The following FHIT variants were observed in gnomAD, a reference collection of about 807,000 sequenced individuals.
The protein encoded by FHIT is fragile histidine triad diadenosine triphosphatase.
In FHIT, 19 loss-of-function variants were observed where a neutral mutation model predicts 17.9. That is an observed-to-expected ratio of 1.06 (90% CI 0.74 to 1.56). The LOEUF (loss-of-function observed/expected upper bound fraction) is 1.56. FHIT is among the 40% of genes most tolerant of loss of function. The pLI is 0.00. For synonymous variants in FHIT, 81 were observed against 69.7 expected (o/e 1.16, Z -0.81); for missense variants, 248 against 189.2 (o/e 1.31, Z -1.82).
intron 5 of FHIT, among the ~76,000 whole-genome samples, chr3:60,478,613 G>C (rs2033460802): frequency 6.6e-6 from 1 of 152,150 alleles, no homozygotes; most frequent in Non-Finnish European, 1.5e-5. Flanking sequence ...AAGAGCAGCA[G>C]GGTAAGGATG....
intron 4 of FHIT, among the ~76,000 whole-genome samples, chr3:60,637,981 A>C (rs2039631593): frequency 6.6e-6 from 1 of 152,210 alleles, no homozygotes; most frequent in African/African-American, 2.4e-5. Context: ...CTTGGAGCTA[A>C]CTTGAAAGGG....
chr3:60,029,907 G>GTGTGTGTGTC (rs1700926746), intron 5 of FHIT, among the ~76,000 whole-genome samples: 2 of 132,634 alleles, frequency 1.5e-5, no homozygotes, highest in South Asian at 2.3e-4. Flanking sequence ...CTGTGTGTGT[G>GTGTGTGTGTC]TGTGTGTGTG....
At chr3:59,815,677 G>A (rs980284136) in intron 8 of FHIT, among the ~76,000 whole-genome samples, 10 of 152,096 alleles carry the variant, frequency 6.6e-5, no homozygotes, top group African/African-American at 2.2e-4. Context: ...ATAAGTGGGA[G>A]CTAAGCTATG....
chr3:60,334,925 A>G (rs17599363), intron 5 of FHIT, among the ~76,000 whole-genome samples: 5,550 of 152,350 alleles, frequency 0.036, 152 homozygotes, highest in Middle Eastern at 0.058. Context: ...TATATAAGAA[A>G]CAGAATCTTT....
At chr3:60,955,572 A>G (rs1709073904) in intron 3 of FHIT, among the ~76,000 whole-genome samples, 1 of 147,964 alleles carries the variant, frequency 6.8e-6, no homozygotes, top group Non-Finnish European at 1.5e-5. Flanking sequence ...AAAAACTAAA[A>G]TGTATCTGCT....
intron 4 of FHIT, among the ~76,000 whole-genome samples, chr3:60,674,257 T>C (rs1323275952): frequency 6.6e-6 from 1 of 152,294 alleles, no homozygotes; most frequent in East Asian, 1.9e-4. Flanking sequence ...GTTTCTTTTT[T>C]ATAGTTTACA....
chr3:60,990,135 G>C (rs955119294), intron 3 of FHIT, among the ~76,000 whole-genome samples: 2 of 152,104 alleles, frequency 1.3e-5, no homozygotes, highest in Non-Finnish European at 2.9e-5. Context: ...AAGATTCTAA[G>C]AGCAATGGGT....
chr3:60,840,323 G>GT (rs1559762262), intron 3 of FHIT, among the ~76,000 whole-genome samples: 1 of 152,068 alleles, frequency 6.6e-6, no homozygotes, highest in South Asian at 2.1e-4. Flanking sequence ...TGTATCTTTT[G>GT]TTTTTTGTTT....
rs192084763 is a variant in FHIT at position 60,147,616 on chromosome 3, T to C, written c.104-133464A>G. Among the ~76,000 whole-genome samples the C allele has an allele frequency of 9.8e-5, 15 of 152,290 alleles. No homozygotes were observed. In the East Asian group the frequency reaches 2.3e-3, roughly 24 times the overall value. On this transcript the variant is annotated intron_variant, in intron 5 of 9. Transcript: ENST00000492590. ...AATTTCTTTGAATCCTATTTGTTTA[T>C]ACACTGATATTTATGTAATAACAAA... is the stretch of plus-strand genomic sequence containing the variant.
At chr3:60,298,636 C>A (rs148583988) in intron 5 of FHIT, among the ~76,000 whole-genome samples, 9 of 152,256 alleles carry the variant, frequency 5.9e-5, no homozygotes, top group African/African-American at 1.9e-4. Context: ...TGAAAACATT[C>A]TCTTCCTTTT....
chr3:60,701,280 T>C (rs1473941861), intron 4 of FHIT, among the ~76,000 whole-genome samples: 1 of 152,036 alleles, frequency 6.6e-6, no homozygotes, highest in African/African-American at 2.4e-5. Context: ...TGTGCCACTG[T>C]AATTGCCCAG....
chr3:60,972,480 T>C (rs1485141563), intron 3 of FHIT, among the ~76,000 whole-genome samples: 3 of 152,094 alleles, frequency 2.0e-5, no homozygotes, highest in Non-Finnish European at 4.4e-5. Context: ...TTTTTTCCTT[T>C]GGATGCTTTT....
chr3:60,955,749 C>T (rs905813463), intron 3 of FHIT, among the ~76,000 whole-genome samples: 2 of 151,536 alleles, frequency 1.3e-5, no homozygotes, highest in Non-Finnish European at 2.9e-5. Flanking sequence ...ATAATGGTTA[C>T]TGTTGGAAAC....
chr3:60,356,515 G>A lies in FHIT; in HGVS notation c.103+180345C>T, dbSNP rs192145567. 3.0e-3 allele frequency among the ~76,000 whole-genome samples: 459 copies of A among 152,036 alleles called. 2 individuals are homozygous for A. The highest frequency in any genetic ancestry group is 0.022 in the South Asian group (107 of 4,788). ...AAATGTAAGACTAGTGTAGGTAATT[G>A]TCCTGCCACTCCATTCTAAGCTGTG... On this transcript the variant is annotated intron_variant, in intron 5 of 9. Transcript: ENST00000492590.
At chr3:60,015,510 G>T (rs534198650) in intron 5 of FHIT, among the ~76,000 whole-genome samples, 1 of 152,300 alleles carries the variant, frequency 6.6e-6, no homozygotes, top group Admixed American at 6.5e-5. Context: ...ATTTAGAAAT[G>T]AAGAATTTCC....
chr3:59,921,471 C>T (rs1559732405), intron 8 of FHIT, among the ~76,000 whole-genome samples: 2 of 152,150 alleles, frequency 1.3e-5, no homozygotes, highest in Non-Finnish European at 2.9e-5. Context: ...AAATATGATA[C>T]CTACCTCCTA....
chr3:61,131,172 A>C (rs2036752993), intron 2 of FHIT, among the ~76,000 whole-genome samples: 1 of 152,192 alleles, frequency 6.6e-6, no homozygotes, highest in South Asian at 2.1e-4. Flanking sequence ...CCTCCACAAT[A>C]AATACCATAT....
chr3:59,817,842 C>A (rs1034242648), intron 8 of FHIT, among the ~76,000 whole-genome samples: 1 of 152,056 alleles, frequency 6.6e-6, no homozygotes, highest in Admixed American at 6.6e-5. Context: ...AAATGAGCTG[C>A]AGAACACTTT....
intron 5 of FHIT, among the ~76,000 whole-genome samples, chr3:60,441,794 A>ATT (rs369962868): frequency 2.1e-5 from 1 of 47,044 alleles, no homozygotes; most frequent in Non-Finnish European, 5.3e-5. Context: ...ATATATATAT[A>ATT]TATATATATA....
Sources: allele counts gnomAD v4.1 joint callset (sites outside exome capture counted in the v4.1 genomes callset), GRCh38; gene constraint gnomAD v4.1.1; transcripts MANE v1.5; gene names NCBI Gene and HGNC (gene_info 2026-07-23, HGNC 2026-07-21).